Variants in RBMS1 observed in about 807,000 individuals in gnomAD.
RBMS1 encodes the protein RNA-binding motif, single-stranded-interacting protein 1.
A neutral mutation model predicts 62.3 loss-of-function variants in RBMS1; 17 were observed. That is an observed-to-expected ratio of 0.27 (90% CI 0.19 to 0.41). The LOEUF is 0.41. RBMS1 is among the 10% of genes least tolerant of loss of function. The pLI is 1.00. For missense variants in RBMS1, 334 were observed against 504.5 expected (o/e 0.66, Z 3.24); for synonymous variants, 172 against 170.0 (o/e 1.01, Z -0.09).
chr2:160,383,474 A>G (rs1573971856), intron 1 of RBMS1, among the ~76,000 whole-genome samples: 1 of 149,524 alleles, frequency 6.7e-6, no homozygotes, highest in Non-Finnish European at 1.5e-5. Flanking sequence ...GAACTGACCC[A>G]CTACAGTGGC....
intron 1 of RBMS1, among the ~76,000 whole-genome samples, chr2:160,436,020 G>GAAATTTA (rs1368789750): frequency 1.3e-5 from 2 of 152,152 alleles, no homozygotes; most frequent in East Asian, 3.8e-4. Flanking sequence ...ATTGCTACTT[G>GAAATTTA]ACTTGAAAAA....
At chr2:160,409,228 C>A (rs1268322543) in intron 1 of RBMS1, among the ~76,000 whole-genome samples, 1 of 151,558 alleles carries the variant, frequency 6.6e-6, no homozygotes, top group African/African-American at 2.4e-5. Context: ...GAAAGCCTCA[C>A]CTATTATAAA....
At chr2:160,320,333 A>ATGGTGGTGCGGGGCCTATT (rs1690485108) in intron 2 of RBMS1, among the ~76,000 whole-genome samples, 1 of 152,128 alleles carries the variant, frequency 6.6e-6, no homozygotes, top group African/African-American at 2.4e-5. Context: ...TTGTCTGGGC[A>ATGGTGGTGCGGGGCCTATT]TGGTGGTGCG....
rs1424400637 is a variant in RBMS1, at chr2:160,318,246, A to G, written c.252-19T>C. 2.0e-6 allele frequency: 3 copies of G among 1,516,964 alleles called. No individual in the cohort carries two copies. The highest frequency in any genetic ancestry group is 2.6e-6 in the Non-Finnish European group (3 of 1,143,952). The allele number at this position is 1,516,964 out of a possible 1,614,324, so 94.0% of individuals were successfully genotyped here. On this transcript the variant is annotated intron_variant, in intron 2 of 13. Coordinates refer to ENST00000348849, the MANE Select transcript of RBMS1 (RefSeq NM_016836.4). ...CCCATATCTAAAAAAAAAAAAAAAAAAAAAAAGGAAAAAAAGAAAAGAAAG... is the reference window on the plus strand; with the variant it reads ...CCCATATCTAAAAAAAAAAAAAAAAGAAAAAAGGAAAAAAAGAAAAGAAAG...
intron 4 of RBMS1, among the ~76,000 whole-genome samples, chr2:160,306,128 CGTGTGT>C (rs60939006): frequency 3.3e-5 from 5 of 149,800 alleles, no homozygotes; most frequent in East Asian, 2.0e-4. Context: ...TTGTTTCTCT[CGTGTGT>C]GTGTGTGTGT....
intron 1 of RBMS1, among the ~76,000 whole-genome samples, chr2:160,396,879 T>C (rs950028901): frequency 6.6e-6 from 1 of 152,138 alleles, no homozygotes; most frequent in Non-Finnish European, 1.5e-5. Flanking sequence ...AATGTCTACC[T>C]GCGCATGCAC....
At chr2:160,324,416 T>C (rs890901777) in intron 2 of RBMS1, among the ~76,000 whole-genome samples, 1 of 152,204 alleles carries the variant, frequency 6.6e-6, no homozygotes, top group Non-Finnish European at 1.5e-5. Context: ...TATTGGTCAT[T>C]TCAGTTGTAA....
At chr2:160,459,378 T>G (rs997110587) in intron 1 of RBMS1, among the ~76,000 whole-genome samples, 1 of 152,214 alleles carries the variant, frequency 6.6e-6, no homozygotes, top group Non-Finnish European at 1.5e-5. Flanking sequence ...TGCTTTTACT[T>G]GATCCTCCAT....
At chr2:160,439,676 C>T (rs1293289364) in intron 1 of RBMS1, among the ~76,000 whole-genome samples, 2 of 152,220 alleles carry the variant, frequency 1.3e-5, no homozygotes, top group Non-Finnish European at 2.9e-5. Context: ...AGGCTGCAAT[C>T]TCGGCACTTT....
In RBMS1 at chr2:160,291,521, C is replaced by T. The variant is rs144660471; in HGVS notation, c.641-4437G>A. 7.2e-5 allele frequency among the ~76,000 whole-genome samples: 11 copies of T among 152,162 alleles called. No homozygotes were observed. In the East Asian group the frequency reaches 1.5e-3, roughly 21 times the overall value. Reference sequence around the variant, plus strand: ...GGCACAACATCGTTTCCTGTTTTAGCCCTCTCCTTTTCTAACTGAATTCTG... The same window carrying T: ...GGCACAACATCGTTTCCTGTTTTAGTCCTCTCCTTTTCTAACTGAATTCTG... On this transcript the variant is annotated intron_variant, in intron 6 of 13. Coordinates refer to ENST00000348849, the MANE Select transcript of RBMS1 (RefSeq NM_016836.4).
At chr2:160,398,899 T>C (rs1695293349) in intron 1 of RBMS1, among the ~76,000 whole-genome samples, 1 of 152,290 alleles carries the variant, frequency 6.6e-6, no homozygotes, top group East Asian at 1.9e-4. Context: ...ATATCTTGAA[T>C]CCATTCTATT....
intron 1 of RBMS1, among the ~76,000 whole-genome samples, chr2:160,438,322 G>A (rs1008434751): frequency 9.3e-5 from 14 of 150,860 alleles, no homozygotes; most frequent in African/African-American, 3.4e-4. Context: ...GATTTGGCAG[G>A]GTCACAGGAC....
chr2:160,363,392 G>A (rs1315808608), intron 2 of RBMS1, among the ~76,000 whole-genome samples: 1 of 152,178 alleles, frequency 6.6e-6, no homozygotes, highest in East Asian at 1.9e-4. Context: ...AAATAAAGAG[G>A]AGAGTTACTG....
chr2:160,350,442 C>A (rs1692431347), intron 2 of RBMS1, among the ~76,000 whole-genome samples: 1 of 152,010 alleles, frequency 6.6e-6, no homozygotes, highest in Non-Finnish European at 1.5e-5. Flanking sequence ...CAATGAGGTA[C>A]AAATGAACAG....
intron 1 of RBMS1, among the ~76,000 whole-genome samples, chr2:160,474,275 C>A (rs1481467005): frequency 6.6e-6 from 1 of 152,160 alleles, no homozygotes; most frequent in East Asian, 1.9e-4. Flanking sequence ...AACAAAATAA[C>A]AGCATCTTCC....
At chr2:160,381,686 G>C (rs182577223) in intron 1 of RBMS1, among the ~76,000 whole-genome samples, 6 of 152,170 alleles carry the variant, frequency 3.9e-5, no homozygotes, top group Non-Finnish European at 8.8e-5. Context: ...GTTTGATAGA[G>C]AACTACTCTA....
At chr2:160,451,166 A>AAAAATAAT (rs985879438) in intron 1 of RBMS1, among the ~76,000 whole-genome samples, 295 of 150,502 alleles carry the variant, frequency 2.0e-3, no homozygotes, top group Middle Eastern at 3.4e-3. Context: ...CAGAAAAAAA[A>AAAAATAAT]AAATAAATAA....
chr2:160,283,400 A>G (rs1433861164), intron 9 of RBMS1: 2 of 152,182 alleles, frequency 1.3e-5, no homozygotes, highest in Admixed American at 1.3e-4. Context: ...CAAAACAACT[A>G]AAGAGGCATT....
At chr2:160,448,283 C>T (rs1218616582) in intron 1 of RBMS1, among the ~76,000 whole-genome samples, 1 of 148,424 alleles carries the variant, frequency 6.7e-6, no homozygotes, top group Non-Finnish European at 1.5e-5. Flanking sequence ...CATTAACTCC[C>T]CCTCCCCCTC....
Sources: allele counts gnomAD v4.1 joint callset (sites outside exome capture counted in the v4.1 genomes callset), GRCh38; gene constraint gnomAD v4.1.1; transcripts MANE v1.5; gene names NCBI Gene and HGNC (gene_info 2026-07-23, HGNC 2026-07-21).